The following ARID5B variants were observed in gnomAD, a reference collection of about 807,000 sequenced individuals.
ARID5B encodes the protein AT-rich interaction domain 5B.
Under a neutral mutation model 97.2 loss-of-function variants are expected in ARID5B, and 13 were observed. The observed-to-expected ratio is 0.13, with a 90% CI of 0.09 to 0.21. ARID5B has a LOEUF of 0.21. Among genes scored for constraint, ARID5B ranks in the 10% least tolerant of loss-of-function variants. The pLI, the probability that ARID5B is intolerant of heterozygous loss-of-function variation, is 1.00. For synonymous variants in ARID5B, 556 were observed against 570.3 expected, an observed-to-expected ratio of 0.97 and a Z score of 0.36; for missense variants, 1,210 against 1,465.3, an observed-to-expected ratio of 0.83 and a Z score of 2.84.
intron 3 of ARID5B, among the ~76,000 whole-genome samples, chr10:61,984,881 C>A (rs890208240): frequency 1.3e-5 from 2 of 152,140 alleles, no homozygotes; most frequent in Non-Finnish European, 2.9e-5. Flanking sequence ...GGCAGGCAGA[C>A]CCACACATTG....
chr10:61,915,057 C>T (rs1448038344), intron 2 of ARID5B, among the ~76,000 whole-genome samples: 2 of 152,218 alleles, frequency 1.3e-5, no homozygotes, highest in Admixed American at 6.5e-5. Flanking sequence ...CTTTCCTGCT[C>T]TTTAGGGACT....
intron 3 of ARID5B, among the ~76,000 whole-genome samples, chr10:61,995,190 G>C (rs1014093701): frequency 1.3e-5 from 2 of 152,218 alleles, no homozygotes; most frequent in East Asian, 3.9e-4. Context: ...TGTGTTCCAG[G>C]AACACTTTGT....
intron 3 of ARID5B, among the ~76,000 whole-genome samples, chr10:61,948,371 C>A: frequency 1.8e-5 from 2 of 110,670 alleles, no homozygotes; most frequent in African/African-American, 3.5e-5. Flanking sequence ...TTAGGATACA[C>A]TTTAGGTAAT....
chr10:61,972,430 T>C (rs888037438), intron 3 of ARID5B, among the ~76,000 whole-genome samples: 1 of 152,120 alleles, frequency 6.6e-6, no homozygotes, highest in Non-Finnish European at 1.5e-5. Flanking sequence ...GGTTTCACCA[T>C]GTTGGCCAGG....
intron 2 of ARID5B, among the ~76,000 whole-genome samples, chr10:61,911,425 A>G (rs932329324): frequency 6.6e-6 from 1 of 152,228 alleles, no homozygotes; most frequent in Admixed American, 6.5e-5. Flanking sequence ...CATATGATAT[A>G]TAAAGTATAT....
chr10:61,983,867 C>CTTTTTTTTTTTTTTTTTT lies in ARID5B; in HGVS notation c.503-16210_503-16193dup, dbSNP rs1164342402. 2.9e-4 allele frequency among the ~76,000 whole-genome samples: 8 copies of CTTTTTTTTTTTTTTTTTT among 27,590 alleles called. 2 individuals are homozygous for CTTTTTTTTTTTTTTTTTT. Among genetic ancestry groups the CTTTTTTTTTTTTTTTTTT allele is most frequent in the African/African-American group, 1.3e-3 (8 of 6,316 alleles). The allele number at this position is 27,590 out of a possible 152,430, so 18.1% of individuals were successfully genotyped here. On this transcript the variant is annotated intron_variant, in intron 3 of 9. Coordinates refer to ENST00000279873, the MANE Select transcript of ARID5B (RefSeq NM_032199.3). ...TATATTTTTTAAACCCCCTTTTGTT[C>CTTTTTTTTTTTTTTTTTT]TTTTTTTTTTTTTTTTTTTTTTTTT...
In ARID5B at chr10:62,093,253, CAG is replaced by C. The variant is rs1357121530; in HGVS notation, c.*225_*226del. On this transcript the variant is annotated 3_prime_UTR_variant, in exon 10 of 10. Transcript: ENST00000279873. ...GGTGAGTCTTGACTCCCTTCCAACA[CAG>C]ATGCCCAGGCACCTCCAGATCATTC... 3 of 541,040 alleles carry C rather than the reference CAG, an allele frequency of 5.5e-6. No homozygotes were observed. In the East Asian group the frequency reaches 9.5e-5, roughly 17 times the overall value. The allele number at this position is 541,040 out of a possible 1,614,324, so 33.5% of individuals were successfully genotyped here.
chr10:61,960,481 A>G (rs1389055927), intron 3 of ARID5B, among the ~76,000 whole-genome samples: 1 of 152,166 alleles, frequency 6.6e-6, no homozygotes, highest in Non-Finnish European at 1.5e-5. Flanking sequence ...TTATTATAGG[A>G]ATCAGTCTCC....
At chr10:61,962,162 TAA>T (rs1185171572) in intron 3 of ARID5B, among the ~76,000 whole-genome samples, 5 of 152,128 alleles carry the variant, frequency 3.3e-5, no homozygotes, top group African/African-American at 1.2e-4. Flanking sequence ...GAGTCCTGGG[TAA>T]AATGAGCTTC....
chr10:61,981,118 A>G (rs1246614299), intron 3 of ARID5B, among the ~76,000 whole-genome samples: 1 of 152,194 alleles, frequency 6.6e-6, no homozygotes, highest in Admixed American at 6.5e-5. Flanking sequence ...CCTCATCTAT[A>G]AAATGGAAGC....
intron 2 of ARID5B, among the ~76,000 whole-genome samples, chr10:61,930,324 G>T (rs750660417): frequency 6.6e-6 from 1 of 152,164 alleles, no homozygotes; most frequent in East Asian, 1.9e-4. Flanking sequence ...CTGTGTTCTG[G>T]ACTGTCTTTT....
chr10:62,044,183 G>A (rs1020006041), intron 4 of ARID5B, among the ~76,000 whole-genome samples: 2 of 152,052 alleles, frequency 1.3e-5, no homozygotes, highest in African/African-American at 4.8e-5. Context: ...TATGACTTGG[G>A]CAAAAGCACA....
intron 2 of ARID5B, among the ~76,000 whole-genome samples, chr10:61,915,630 G>C (rs1016176148): frequency 6.6e-6 from 1 of 152,172 alleles, no homozygotes; most frequent in Non-Finnish European, 1.5e-5. Flanking sequence ...CTAGACACCT[G>C]GGGTGCATAT....
intron 8 of ARID5B, among the ~76,000 whole-genome samples, chr10:62,073,917 G>A (rs1840096346): frequency 6.6e-6 from 1 of 152,124 alleles, no homozygotes; most frequent in Non-Finnish European, 1.5e-5. Context: ...TTACTTAAAA[G>A]TAACCAGTTC....
intron 7 of ARID5B, among the ~76,000 whole-genome samples, chr10:62,060,376 T>C (rs1839907019): frequency 6.6e-6 from 1 of 152,206 alleles, no homozygotes; most frequent in African/African-American, 2.4e-5. Flanking sequence ...CTAAAAATTC[T>C]TTCATATGAA....
At chr10:62,089,389 C>T (rs1177054852) in intron 9 of ARID5B, among the ~76,000 whole-genome samples, 1 of 151,746 alleles carries the variant, frequency 6.6e-6, no homozygotes, top group Non-Finnish European at 1.5e-5. Flanking sequence ...AACTTTTGTT[C>T]CCACGTATTC....
At chr10:61,971,021 T>A (rs1477633483) in intron 3 of ARID5B, among the ~76,000 whole-genome samples, 1 of 150,732 alleles carries the variant, frequency 6.6e-6, no homozygotes, top group African/African-American at 2.4e-5. Context: ...AGAAAGAGAA[T>A]AAAAAAGAAA....
intron 8 of ARID5B, among the ~76,000 whole-genome samples, chr10:62,076,482 A>G (rs1840136147): frequency 1.4e-5 from 2 of 146,780 alleles, no homozygotes; most frequent in Admixed American, 1.4e-4. Context: ...GGATGGCTGA[A>G]TATGGGAAGT....
In ARID5B at chr10:62,021,029, A is replaced by AATATATATATAT. The variant is rs10528323; in HGVS notation, c.733+20737_733+20748dup. 1.3e-3 allele frequency among the ~76,000 whole-genome samples: 143 copies of AATATATATATAT among 106,816 alleles called. 1 individual carries two copies. The highest frequency in any genetic ancestry group is 3.9e-3 in the East Asian group (13 of 3,332). 70.1% of individuals were successfully genotyped at this position (106,816 alleles called of 152,430 possible). On this transcript the variant is annotated intron_variant, in intron 4 of 9. Transcript: ENST00000279873. ...ACTGGGATCATGGGTTTGTCACATG[A>AATATATATATAT]ATATATATATATATATATATATATA...
Sources: gnomAD v4.1 joint callset for allele counts (sites outside exome capture counted in the v4.1 genomes callset) on GRCh38, gnomAD v4.1.1 for gene constraint, MANE v1.5 for transcripts, NCBI Gene and HGNC (gene_info 2026-07-23, HGNC 2026-07-21) for gene names.